Variants in SLC6A18 observed in about 807,000 individuals in gnomAD.
The protein encoded by SLC6A18 is solute carrier family 6 member 18, also known as inactive sodium-dependent neutral amino acid transporter B(0)AT3.
A neutral mutation model predicts 62.9 loss-of-function variants in SLC6A18; 58 were observed. The ratio of observed to expected loss-of-function variants is 0.92; its 90% CI spans 0.75 to 1.15. The LOEUF is 1.15. SLC6A18 is among the 50% of genes most tolerant of loss of function. The pLI, the probability that SLC6A18 is intolerant of heterozygous loss-of-function variation, is 0.00. For missense variants in SLC6A18, 793 were observed against 836.6 expected (o/e 0.95, Z 0.64); for synonymous variants, 382 against 365.8 (o/e 1.04, Z -0.51).
intron 1 of SLC6A18, among the ~76,000 whole-genome samples, chr5:1,228,761 A>AC (rs1746646443): frequency 6.6e-6 from 1 of 152,186 alleles, no homozygotes; most frequent in Non-Finnish European, 1.5e-5. Context: ...AGCCCTGGCT[A>AC]CCCAGGAGGC....
chr5:1,228,959 T>C (rs536508894), intron 1 of SLC6A18, among the ~76,000 whole-genome samples: 14 of 152,344 alleles, frequency 9.2e-5, no homozygotes, highest in Non-Finnish European at 1.6e-4. Context: ...AAAAAATGCA[T>C]GGACTGACTG....
intron 3 of SLC6A18, among the ~76,000 whole-genome samples, chr5:1,233,821 A>G (rs1351270326): frequency 6.6e-6 from 1 of 150,790 alleles, no homozygotes; most frequent in Non-Finnish European, 1.5e-5. Flanking sequence ...GGCTCACTGC[A>G]AGCTCTGCCT....
chr5:1,228,219 G>A (rs930587906), intron 1 of SLC6A18, among the ~76,000 whole-genome samples: 13 of 151,952 alleles, frequency 8.6e-5, no homozygotes, highest in African/African-American at 2.7e-4. Flanking sequence ...GCGCTCCCTT[G>A]GCCCTGTGCT....
chr5:1,228,078 T>C (rs555895298), intron 1 of SLC6A18, among the ~76,000 whole-genome samples: 2 of 152,320 alleles, frequency 1.3e-5, no homozygotes, highest in East Asian at 1.9e-4. Context: ...TTAATTACTA[T>C]GGCTTCTTCG....
At position 1,243,189 on chromosome 5, in the gene SLC6A18, G is replaced by C. The variant is rs1192865001; in HGVS notation, c.1131+326G>C. On this transcript the variant is annotated intron_variant, in intron 8 of 11. Coordinates refer to ENST00000324642, the MANE Select transcript of SLC6A18 (RefSeq NM_182632.3). The surrounding 1 kb of genome is among the most constrained non-coding windows in gnomAD (Gnocchi z 6.5). ...GGTCACAGTGCCAGGGCATGGCTGGGGTCAAGCCACACTCAGGGCCAGTGT... is the reference window on the plus strand; with the variant it reads ...GGTCACAGTGCCAGGGCATGGCTGGCGTCAAGCCACACTCAGGGCCAGTGT... 6.6e-6 allele frequency among the ~76,000 whole-genome samples: 1 copy of C among 152,162 alleles called. No individual in the cohort carries two copies. The highest frequency in any genetic ancestry group is 1.5e-5 in the Non-Finnish European group (1 of 68,006).
intron 1 of SLC6A18, among the ~76,000 whole-genome samples, chr5:1,229,799 T>C (rs1746676378): frequency 7.0e-6 from 1 of 142,484 alleles, no homozygotes; most frequent in Non-Finnish European, 1.5e-5. Context: ...GGAAGTGATG[T>C]TTTCACAGTG....
chr5:1,232,474 C>T (rs1746758268), intron 2 of SLC6A18, 115 bp downstream of exon 2: 2 of 1,400,598 alleles, frequency 1.4e-6, no homozygotes, highest in African/African-American at 2.9e-5. Flanking sequence ...CCAGGCCAGG[C>T]CGGCGGGTGG....
rs1747050538 is a variant in SLC6A18 at position 1,241,141 on chromosome 5, G to A, written c.974+482G>A. On this transcript the variant is annotated intron_variant, in intron 7 of 11. Transcript: ENST00000324642. This position sits in a 1 kb window ranked among gnomAD's most constrained non-coding sequence, Gnocchi z 7.8. ...GGAGAGGATGATTTCCCGTGGTTTT[G>A]AGGCACCATTGCTGGTCGTTTGCTG... is the stretch of plus-strand genomic sequence containing the variant. Among the ~76,000 whole-genome samples, 1 of 152,196 alleles carries A rather than the reference G, an allele frequency of 6.6e-6. No homozygotes were observed. The highest frequency in any genetic ancestry group is 2.1e-4 in the South Asian group (1 of 4,822).
rs769939884 is a variant in SLC6A18 at position 1,238,025 on chromosome 5, G to T, written c.697G>T (p.Ala233Ser). 6.2e-7 allele frequency: 1 copy of T among 1,614,096 alleles called. No individual in the cohort carries two copies. The highest frequency in any genetic ancestry group is 8.5e-7 in the Non-Finnish European group (1 of 1,180,020). Residue 233 changes from alanine (A) to serine (S), a missense_variant, in exon 5 of 12, where the codon GCA (alanine) becomes TCA (serine). Ala to Ser is a moderately conservative substitution (Grantham distance 99). Coordinates refer to ENST00000324642, the MANE Select transcript of SLC6A18 (RefSeq NM_182632.3). Reference sequence around the variant, plus strand: ...CATCAGAGGGCTGACCCTGCCAGGGGCAACAAAAGGACTCATCTACTTGTT... The same window carrying T: ...CATCAGAGGGCTGACCCTGCCAGGGTCAACAAAAGGACTCATCTACTTGTT... The part of the protein sequence containing the change: ...FLIRGLTLPG[A>S]TKGLIYLFTP...
chr5:1,228,130 T>C (rs1418992300), intron 1 of SLC6A18, among the ~76,000 whole-genome samples: 1 of 149,916 alleles, frequency 6.7e-6, no homozygotes, highest in Non-Finnish European at 1.5e-5. Context: ...CTTTTTTTTT[T>C]ATTCTTTGAA....
chr5:1,244,181 C>CCCCT, intron 9 of SLC6A18, 33 bp from the exon 10 acceptor site: 25 of 1,360,378 alleles, frequency 1.8e-5, no homozygotes, highest in South Asian at 7.2e-5. Context: ...TCCCCATCCC[C>CCCCT]TTACCCCCCA....
intron 1 of SLC6A18, among the ~76,000 whole-genome samples, chr5:1,228,989 C>T (rs569664074): frequency 2.6e-5 from 4 of 152,368 alleles, no homozygotes; most frequent in Admixed American, 6.5e-5. Flanking sequence ...GCGCATTCAA[C>T]GTAAAGACTG....
intron 3 of SLC6A18, among the ~76,000 whole-genome samples, chr5:1,235,251 G>C (rs1036765775): frequency 9.9e-5 from 15 of 152,222 alleles, no homozygotes; most frequent in Non-Finnish European, 2.2e-4. Context: ...GGCTCAGCAG[G>C]GCTCGTAAAC....
At chr5:1,238,747 G>A (rs1226417064) in intron 5 of SLC6A18, among the ~76,000 whole-genome samples, 2 of 152,214 alleles carry the variant, frequency 1.3e-5, no homozygotes, top group Non-Finnish European at 2.9e-5. Flanking sequence ...GATGTGAGGG[G>A]TCAGGGGAGG....
At chr5:1,240,405 G>A (rs1398487857) in intron 6 of SLC6A18, 126 bp from the exon 7 acceptor site, 2 of 1,413,042 alleles carry the variant, frequency 1.4e-6, no homozygotes, top group Admixed American at 2.1e-5. Context: ...GCAGCCCTTG[G>A]GTCAGAGAAG....
At chr5:1,240,716 C>T in intron 7 of SLC6A18, 57 bp downstream of exon 7, 3 of 1,601,448 alleles carry the variant, frequency 1.9e-6, no homozygotes, top group Non-Finnish European at 1.7e-6. Context: ...CAGGTGCCTG[C>T]CGCACCGAGA....
intron 3 of SLC6A18, among the ~76,000 whole-genome samples, chr5:1,233,184 T>C (rs1746781498): frequency 6.6e-6 from 1 of 152,134 alleles, no homozygotes; most frequent in Non-Finnish European, 1.5e-5. Flanking sequence ...TGTTGTTAGA[T>C]TTAAGACGTT....
At chr5:1,239,607 G>A (rs377073618) in intron 6 of SLC6A18, 45 bp downstream of exon 6, 1 of 1,444,112 alleles carries the variant, frequency 6.9e-7, no homozygotes, top group Non-Finnish European at 9.7e-7. Context: ...GCTTTGGGGA[G>A]ACGCCCGAGC....
At chr5:1,235,317 C>G (rs1746854634) in intron 3 of SLC6A18, among the ~76,000 whole-genome samples, 164 bp from the exon 4 acceptor site, 1 of 152,176 alleles carries the variant, frequency 6.6e-6, no homozygotes, top group African/African-American at 2.4e-5. Flanking sequence ...TTTTCACAGC[C>G]ACGTCTGTTT....
Sources: allele counts gnomAD v4.1 joint callset (sites outside exome capture counted in the v4.1 genomes callset), GRCh38; gene constraint gnomAD v4.1.1; non-coding constraint Gnocchi (gnomAD v3.1); transcripts MANE v1.5; gene names NCBI Gene and HGNC (gene_info 2026-07-23, HGNC 2026-07-21).